The following SLC4A10 variants were observed in gnomAD, a reference collection of about 807,000 sequenced individuals.
The protein encoded by SLC4A10 is solute carrier family 4 member 10.
Under a neutral mutation model 137.7 loss-of-function variants are expected in SLC4A10, and 42 were observed. The observed-to-expected ratio is 0.30, with a 90% CI of 0.24 to 0.39. SLC4A10 has a LOEUF of 0.39. Ranked by LOEUF, SLC4A10 falls within the 10% of genes least tolerant of loss-of-function variation. The probability of loss-of-function intolerance (pLI) is 1.00; values close to 1 mark genes in which losing one functional copy is unlikely to be tolerated. For missense variants in SLC4A10, 925 were observed against 1,355.0 expected, an observed-to-expected ratio of 0.68 and a Z score of 4.98; for synonymous variants, 474 against 464.1, an observed-to-expected ratio of 1.02 and a Z score of -0.27.
intron 1 of SLC4A10, among the ~76,000 whole-genome samples, chr2:161,626,785 C>A (rs372231573): frequency 6.6e-6 from 1 of 152,206 alleles, no homozygotes; most frequent in East Asian, 1.9e-4. Context: ...AAAACTAGTT[C>A]AGAAATTGTT....
intron 1 of SLC4A10, among the ~76,000 whole-genome samples, chr2:161,680,306 C>G (rs1406136269): frequency 6.6e-6 from 1 of 152,088 alleles, no homozygotes; most frequent in Non-Finnish European, 1.5e-5. Flanking sequence ...GGAATTTAAG[C>G]CACCTGCCAG....
chr2:161,930,756 TA>T (rs1690200018), intron 15 of SLC4A10, among the ~76,000 whole-genome samples: 1 of 152,068 alleles, frequency 6.6e-6, no homozygotes, highest in Admixed American at 6.6e-5. Context: ...CAGCATTATC[TA>T]ATGTTGTTAA....
chr2:161,967,801 AG>A (rs1199605928), intron 23 of SLC4A10, among the ~76,000 whole-genome samples: 1 of 152,210 alleles, frequency 6.6e-6, no homozygotes, highest in Non-Finnish European at 1.5e-5. Context: ...TATATCAATT[AG>A]CCTATGGTAA....
intron 15 of SLC4A10, among the ~76,000 whole-genome samples, chr2:161,917,630 T>C (rs1251343710): frequency 2.0e-5 from 3 of 151,230 alleles, no homozygotes; most frequent in Admixed American, 2.0e-4. Flanking sequence ...GCCAATGTGC[T>C]TGTAGCATTT....
At position 161,977,734 on chromosome 2, in the gene SLC4A10, A is replaced by T; in HGVS notation, c.3357A>T (p.Ter1119TyrextTer3). ...SSFPSKSSPS* is the reference protein window; with the variant it reads ...SSFPSKSSPSY ...TTTTTGTCATAAGCTCCCCTTCCTAATCACTCTAGAAGCTGATTCCCCAAA... is the reference window on the plus strand; with the variant it reads ...TTTTTGTCATAAGCTCCCCTTCCTATTCACTCTAGAAGCTGATTCCCCAAA... The change falls in exon 26 of 27, where the codon TAA (stop) becomes TAT (tyrosine). Residue 1119 changes from the stop codon to tyrosine (Y), a stop_lost. Transcript: ENST00000446997. 6.2e-7 allele frequency: 1 copy of T among 1,600,980 alleles called. No individual in the cohort carries two copies. The highest frequency in any genetic ancestry group is 1.1e-5 in the South Asian group (1 of 87,720).
intron 24 of SLC4A10, among the ~76,000 whole-genome samples, chr2:161,976,031 TA>T (rs1016904196): frequency 5.3e-5 from 8 of 152,224 alleles, no homozygotes; most frequent in Non-Finnish European, 8.8e-5. Flanking sequence ...GCTATGATGT[TA>T]GGGGCAAGCG....
intron 1 of SLC4A10, among the ~76,000 whole-genome samples, chr2:161,668,677 T>C (rs1192064471): frequency 1.3e-5 from 2 of 151,904 alleles, no homozygotes; most frequent in African/African-American, 4.8e-5. Flanking sequence ...ATTTCAATTC[T>C]CATATGTTGG....
chr2:161,975,037 A>T (rs957548253), intron 24 of SLC4A10, among the ~76,000 whole-genome samples: 1 of 152,114 alleles, frequency 6.6e-6, no homozygotes, highest in Non-Finnish European at 1.5e-5. Flanking sequence ...AAATACAGAG[A>T]ATACTTTTTT....
chr2:161,828,808 A>ATATATGTG (rs1221709021), intron 3 of SLC4A10, among the ~76,000 whole-genome samples: 24 of 122,526 alleles, frequency 2.0e-4, no homozygotes, highest in African/African-American at 3.4e-4. Flanking sequence ...ATATATATAT[A>ATATATGTG]TGTATAATCT....
At chr2:161,768,946 G>A (rs932904806) in intron 1 of SLC4A10, among the ~76,000 whole-genome samples, 5 of 151,864 alleles carry the variant, frequency 3.3e-5, no homozygotes, top group Admixed American at 1.3e-4. Flanking sequence ...TCACAAATTC[G>A]TTTCCCATAG....
At chr2:161,727,102 C>T (rs2046317942) in intron 1 of SLC4A10, among the ~76,000 whole-genome samples, 1 of 152,144 alleles carries the variant, frequency 6.6e-6, no homozygotes, top group Non-Finnish European at 1.5e-5. Context: ...CTATGTAACC[C>T]AGGTACAGTT....
intron 4 of SLC4A10, among the ~76,000 whole-genome samples, chr2:161,840,576 T>C (rs917636237): frequency 6.6e-6 from 1 of 152,226 alleles, no homozygotes; most frequent in Non-Finnish European, 1.5e-5. Flanking sequence ...TTATGGAGTG[T>C]CCATTATGTG....
chr2:161,746,485 G>T (rs185981708), intron 1 of SLC4A10, among the ~76,000 whole-genome samples: 1 of 151,988 alleles, frequency 6.6e-6, no homozygotes, highest in Non-Finnish European at 1.5e-5. Context: ...ACTTCAGGGC[G>T]CAGGTTCCTT....
chr2:161,775,810 C>G (rs982137245), intron 2 of SLC4A10, among the ~76,000 whole-genome samples: 1 of 151,660 alleles, frequency 6.6e-6, no homozygotes, highest in African/African-American at 2.4e-5. Flanking sequence ...CACGTATGAA[C>G]ATTGTTGTAT....
intron 16 of SLC4A10, 33 bp downstream of exon 16, chr2:161,942,930 AAGAGCTTT>A (rs1484149934): frequency 4.6e-6 from 7 of 1,518,310 alleles, no homozygotes; most frequent in Non-Finnish European, 6.3e-6. Flanking sequence ...AGTCATACCT[AAGAGCTTT>A]TGTTGACATT....
chr2:161,823,532 G>T (rs181965328), intron 3 of SLC4A10, among the ~76,000 whole-genome samples: 5 of 152,154 alleles, frequency 3.3e-5, no homozygotes, highest in African/African-American at 1.2e-4. Context: ...CACGGAACCC[G>T]TATGAAGTGC....
At chr2:161,631,133 T>G (rs1268632647) in intron 1 of SLC4A10, among the ~76,000 whole-genome samples, 4 of 151,644 alleles carry the variant, frequency 2.6e-5, no homozygotes, top group African/African-American at 9.7e-5. Context: ...TGCCAGGACC[T>G]GGGATGTAGG....
intron 1 of SLC4A10, among the ~76,000 whole-genome samples, chr2:161,759,741 T>C (rs187817815): frequency 3.3e-5 from 5 of 152,086 alleles, no homozygotes; most frequent in African/African-American, 7.2e-5. Context: ...GTTTCTTATA[T>C]TTTTTGGATA....
intron 15 of SLC4A10, among the ~76,000 whole-genome samples, chr2:161,932,080 T>C (rs2105640465): frequency 6.6e-6 from 1 of 152,306 alleles, no homozygotes; most frequent in Non-Finnish European, 1.5e-5. Flanking sequence ...TGTTTTCCCA[T>C]CAAACTCTTA....
Sources: allele counts gnomAD v4.1 joint callset (sites outside exome capture counted in the v4.1 genomes callset), GRCh38; gene constraint gnomAD v4.1.1; transcripts MANE v1.5; gene names NCBI Gene and HGNC (gene_info 2026-07-23, HGNC 2026-07-21).